CHD9: variants seen among roughly 807,000 people sequenced by gnomAD.
CHD9 encodes chromodomain helicase DNA binding protein 9.
Under a neutral mutation model 316.1 loss-of-function variants are expected in CHD9, and 77 were observed. That is an observed-to-expected ratio of 0.24 (90% CI 0.20 to 0.29). The LOEUF is 0.29. Among genes scored for constraint, CHD9 ranks in the 10% least tolerant of loss-of-function variants. The pLI is 1.00. For synonymous variants in CHD9, 1,129 were observed against 1,158.3 expected (o/e 0.97, Z 0.51); for missense variants, 2,763 against 3,438.1 (o/e 0.80, Z 4.91).
chr16:53,288,016 T>G lies in CHD9; in HGVS notation c.5247+2T>G. ...GCCATCTTTAAAGATGATATAGAGG[T>G]ATGCATTGGATCATATTTTTAAATC... On this transcript the variant is annotated splice_donor_variant, in intron 27 of 38. Coordinates refer to ENST00000447540, the MANE Select transcript of CHD9 (RefSeq NM_001308319.2). LOFTEE classifies it high-confidence loss of function. 6.2e-7 allele frequency: 1 copy of G among 1,600,028 alleles called. No individual in the cohort carries two copies. The highest frequency in any genetic ancestry group is 8.6e-7 in the Non-Finnish European group (1 of 1,167,128).
intron 1 of CHD9, among the ~76,000 whole-genome samples, chr16:53,121,074 T>G (rs1054337032): frequency 6.6e-6 from 1 of 152,104 alleles, no homozygotes; most frequent in Non-Finnish European, 1.5e-5. Flanking sequence ...CAAATGAAGG[T>G]TAAGTGTTAC....
chr16:53,302,552 T>TA (rs1181822712), intron 30 of CHD9, among the ~76,000 whole-genome samples: 1 of 152,234 alleles, frequency 6.6e-6, no homozygotes, highest in African/African-American at 2.4e-5. Context: ...ACAAATATCT[T>TA]AAGCTTCACA....
At chr16:53,195,642 C>A (rs2044844115) in intron 2 of CHD9, among the ~76,000 whole-genome samples, 1 of 151,864 alleles carries the variant, frequency 6.6e-6, no homozygotes, top group Non-Finnish European at 1.5e-5. Context: ...TATCTCTGAG[C>A]TCAGAGAAGG....
chr16:53,299,597 TG>T (rs781766210), intron 30 of CHD9: 29 of 409,696 alleles, frequency 7.1e-5, no homozygotes, highest in Non-Finnish European at 8.9e-5. Context: ...TGGAGATGAT[TG>T]GCTTCATTGA....
intron 34 of CHD9, chr16:53,310,857 CAATAATAATAATAATAATAAT>C (rs33996087): frequency 7.2e-6 from 1 of 138,922 alleles, no homozygotes; most frequent in Admixed American, 7.3e-5. Context: ...GTCTCAAAAA[CAATAATAATAATAATAATAAT>C]AATAATAATA....
In CHD9 at chr16:53,120,482, G is replaced by A. The variant is rs111830022; in HGVS notation, c.-164-35444G>A. The stretch of plus-strand genomic sequence containing the variant: ...TACAAAATTAGCCGGGTGTGGTGGC[G>A]CATGCCTGTAATCCCAGCTACTAAG... On this transcript the variant is annotated intron_variant, in intron 1 of 38. Transcript: ENST00000447540. Among the ~76,000 whole-genome samples, 1,356 of 152,042 alleles carry A rather than the reference G, an allele frequency of 8.9e-3. 13 individuals are homozygous for A. The highest frequency in any genetic ancestry group is 0.03 in the African/African-American group (1,251 of 41,466).
chr16:53,137,712 A>G (rs944137936), intron 1 of CHD9, among the ~76,000 whole-genome samples: 1 of 152,222 alleles, frequency 6.6e-6, no homozygotes, highest in East Asian at 1.9e-4. Context: ...GATAACAAAT[A>G]TAAACATTTT....
chr16:53,244,817 G>GT (rs1351201297), intron 13 of CHD9, among the ~76,000 whole-genome samples: 1 of 152,088 alleles, frequency 6.6e-6, no homozygotes, highest in African/African-American at 2.4e-5. Context: ...TAGAGATGTA[G>GT]TTTTTTGAGT....
chr16:53,287,543 C>T (rs1314543296), intron 26 of CHD9, among the ~76,000 whole-genome samples: 3 of 152,186 alleles, frequency 2.0e-5, no homozygotes, highest in African/African-American at 7.2e-5. Context: ...GCCTGGCCAA[C>T]ATGGTGAAAC....
intron 33 of CHD9, 54 bp from the exon 34 acceptor site, chr16:53,308,632 G>T (rs2056199272): frequency 7.3e-7 from 1 of 1,363,998 alleles, no homozygotes; most frequent in South Asian, 1.2e-5. Flanking sequence ...TTAATATCCT[G>T]CAATAAGATT....
intron 2 of CHD9, among the ~76,000 whole-genome samples, chr16:53,198,379 C>T (rs910250852): frequency 2.9e-5 from 4 of 139,418 alleles, no homozygotes; most frequent in East Asian, 2.2e-4. Context: ...AGTACAGTGG[C>T]GTAGTGGTGC....
intron 1 of CHD9, among the ~76,000 whole-genome samples, chr16:53,059,107 C>T (rs2032542101): frequency 6.6e-6 from 1 of 152,172 alleles, no homozygotes; most frequent in African/African-American, 2.4e-5. Flanking sequence ...TCTCAAAGCA[C>T]TGAGATTACA....
chr16:53,228,567 G>GTCTC (rs1353694115), intron 7 of CHD9, among the ~76,000 whole-genome samples: 7 of 140,716 alleles, frequency 5.0e-5, no homozygotes, highest in Non-Finnish European at 1.1e-4. Flanking sequence ...TTGAGACGGA[G>GTCTC]TCTCGCTCTG....
intron 33 of CHD9, among the ~76,000 whole-genome samples, 178 bp from the exon 34 acceptor site, chr16:53,308,505 GTTA>G (rs760651555): frequency 2.0e-5 from 3 of 152,194 alleles, no homozygotes; most frequent in Non-Finnish European, 2.9e-5. Context: ...AAAATTTGGT[GTTA>G]TTATAGAAAT....
intron 1 of CHD9, among the ~76,000 whole-genome samples, chr16:53,117,408 A>AT (rs2038395968): frequency 3.9e-5 from 1 of 25,668 alleles, no homozygotes; most frequent in African/African-American, 1.1e-4. Flanking sequence ...CTCTGACGTA[A>AT]TATATATATA....
intron 17 of CHD9, among the ~76,000 whole-genome samples, chr16:53,251,122 G>A (rs2152968335): frequency 6.6e-6 from 1 of 152,244 alleles, no homozygotes; most frequent in East Asian, 1.9e-4. Flanking sequence ...AATATTTCAA[G>A]CTTTGTGTGC....
In CHD9 at chr16:53,325,141, TTTG is replaced by T; in HGVS notation, c.*250_*252del. ...AAATTACAACAAAAGGCATTATAAT[TTTG>T]TTGGGGGTTAATTTTATGAAAATTA... On this transcript the variant is annotated 3_prime_UTR_variant, in exon 39 of 39. Transcript: ENST00000447540. 6.0e-6 allele frequency: 2 copies of T among 331,960 alleles called. No individual in the cohort carries two copies. Among genetic ancestry groups the T allele is most frequent in the Non-Finnish European group, 5.5e-6 (1 of 181,994 alleles). 20.6% of individuals were successfully genotyped at this position (331,960 alleles called of 1,614,324 possible).
intron 1 of CHD9, among the ~76,000 whole-genome samples, chr16:53,105,075 T>C (rs2037216812): frequency 6.6e-6 from 1 of 152,116 alleles, no homozygotes; most frequent in South Asian, 2.1e-4. Context: ...ACTATTGTCC[T>C]CGAGCAATCC....
chr16:53,176,082 A>G (rs572851622), intron 2 of CHD9, among the ~76,000 whole-genome samples: 63 of 152,326 alleles, frequency 4.1e-4, no homozygotes, highest in African/African-American at 1.4e-3. Flanking sequence ...AACAACACAT[A>G]TTTATTATCT....
Sources: allele counts gnomAD v4.1 joint callset (sites outside exome capture counted in the v4.1 genomes callset), GRCh38; gene constraint gnomAD v4.1.1; transcripts MANE v1.5; gene names NCBI Gene and HGNC (gene_info 2026-07-23, HGNC 2026-07-21).